Variants in CDH12 observed in about 807,000 individuals in gnomAD.
The protein encoded by CDH12 is cadherin 12.
CDH12 carries 41 observed loss-of-function variants against 74.1 expected under a neutral mutation model. The ratio of observed to expected loss-of-function variants is 0.55; its 90% CI spans 0.43 to 0.72. CDH12 has a LOEUF of 0.72. CDH12 is among the 30% of genes least tolerant of loss of function. The pLI, the probability that CDH12 is intolerant of heterozygous loss-of-function variation, is 0.00. For missense variants in CDH12, 945 were observed against 977.2 expected (o/e 0.97, Z 0.44); for synonymous variants, 399 against 355.0 (o/e 1.12, Z -1.39).
intron 11 of CDH12, among the ~76,000 whole-genome samples, chr5:21,767,428 G>A: frequency 6.6e-6 from 1 of 151,598 alleles, no homozygotes; most frequent in East Asian, 1.9e-4. Context: ...TCTAATATCT[G>A]TTATGAGTAA....
intron 3 of CDH12, among the ~76,000 whole-genome samples, chr5:22,343,402 G>A (rs917816080): frequency 6.7e-6 from 1 of 148,462 alleles, no homozygotes; most frequent in Non-Finnish European, 1.5e-5. Flanking sequence ...AAAAGAAGTT[G>A]CTTTTTTCAT....
chr5:22,693,770 A>G (rs1017698634), intron 1 of CDH12, among the ~76,000 whole-genome samples: 2 of 140,742 alleles, frequency 1.4e-5, no homozygotes, highest in African/African-American at 5.4e-5. Flanking sequence ...ATATATATAT[A>G]TGTATTATCT....
rs189392878 is a variant in CDH12 at position 22,752,747 on chromosome 5, A to T, written c.-523+100311T>A. On this transcript the variant is annotated intron_variant, in intron 1 of 14. Coordinates refer to ENST00000382254, the MANE Select transcript of CDH12 (RefSeq NM_004061.5). The stretch of plus-strand genomic sequence containing the variant: ...CCACTACGCCCGGCTAATTTTTTGT[A>T]TTTTTTTACTAGAGACGGGGTTTCA... 2.8e-3 allele frequency among the ~76,000 whole-genome samples: 404 copies of T among 146,154 alleles called. 1 individual carries two copies. Among genetic ancestry groups the T allele is most frequent in the African/African-American group, 9.8e-3 (382 of 39,154 alleles).
chr5:22,330,105 C>G (rs931455413), intron 3 of CDH12, among the ~76,000 whole-genome samples: 1 of 152,140 alleles, frequency 6.6e-6, no homozygotes, highest in Non-Finnish European at 1.5e-5. Flanking sequence ...CTTCTTTCTG[C>G]TTAAGGAGAG....
chr5:22,071,034 C>T (rs565498506), intron 5 of CDH12, among the ~76,000 whole-genome samples: 2 of 152,106 alleles, frequency 1.3e-5, no homozygotes, highest in African/African-American at 4.8e-5. Context: ...GGCCTTAATA[C>T]CTAGGTGATG....
intron 2 of CDH12, among the ~76,000 whole-genome samples, chr5:22,414,493 A>T (rs1743299521): frequency 6.6e-6 from 1 of 152,026 alleles, no homozygotes; most frequent in Non-Finnish European, 1.5e-5. Context: ...AGACAATAAT[A>T]GAATCTTTCA....
intron 3 of CDH12, among the ~76,000 whole-genome samples, chr5:22,390,574 A>ATG (rs1218407129): frequency 1.6e-5 from 2 of 123,144 alleles, no homozygotes; most frequent in East Asian, 4.4e-4. Flanking sequence ...GGATGGATGG[A>ATG]GAGATAGATA....
At chr5:22,771,763 A>T (rs1021147480) in intron 1 of CDH12, among the ~76,000 whole-genome samples, 1 of 152,078 alleles carries the variant, frequency 6.6e-6, no homozygotes, top group African/African-American at 2.4e-5. Flanking sequence ...CTTATCAGAG[A>T]ATGACCAGTT....
intron 3 of CDH12, among the ~76,000 whole-genome samples, chr5:22,219,463 ACT>A (rs889423702): frequency 1.3e-5 from 2 of 151,498 alleles, no homozygotes; most frequent in African/African-American, 2.4e-5. Flanking sequence ...GCTCTTTTTC[ACT>A]CTCAGCAAAA....
chr5:22,825,263 T>C (rs1310803179), intron 1 of CDH12, among the ~76,000 whole-genome samples: 1 of 151,806 alleles, frequency 6.6e-6, no homozygotes, highest in Non-Finnish European at 1.5e-5. Context: ...TGTACATATA[T>C]ATACTTACAC....
chr5:22,672,493 A>G (rs941666011), intron 1 of CDH12, among the ~76,000 whole-genome samples: 1 of 152,096 alleles, frequency 6.6e-6, no homozygotes, highest in Non-Finnish European at 1.5e-5. Flanking sequence ...ATTTACGATA[A>G]GAGGATGAAT....
rs960347995 is a variant in CDH12, at chr5:21,880,230, C to G, written c.527-25440G>C. 2.0e-5 allele frequency among the ~76,000 whole-genome samples: 3 copies of G among 152,208 alleles called. No homozygotes were observed. The East Asian group carries it at 5.8e-4, about 29-fold the overall frequency. On this transcript the variant is annotated intron_variant, in intron 6 of 14. Coordinates refer to ENST00000382254, the MANE Select transcript of CDH12 (RefSeq NM_004061.5). ...ATTGTACCCTGATGAGTACCTATGG[C>G]TCAAACAAAGTTATATTTCCTTCCA...
At chr5:22,069,712 T>C (rs925998749) in intron 5 of CDH12, among the ~76,000 whole-genome samples, 1 of 152,128 alleles carries the variant, frequency 6.6e-6, no homozygotes, top group Admixed American at 6.5e-5. Flanking sequence ...CTGGGGTGAT[T>C]CATCTTGAGT....
At chr5:21,956,554 C>G (rs902748277) in intron 6 of CDH12, among the ~76,000 whole-genome samples, 3 of 151,866 alleles carry the variant, frequency 2.0e-5, no homozygotes, top group African/African-American at 7.3e-5. Context: ...TTCTGACATT[C>G]TGGAGTATTG....
chr5:22,792,375 C>T (rs2126387446), intron 1 of CDH12, among the ~76,000 whole-genome samples: 1 of 152,276 alleles, frequency 6.6e-6, no homozygotes, highest in East Asian at 1.9e-4. Flanking sequence ...AGGCGTGAGC[C>T]ACCACGCCCG....
intron 6 of CDH12, chr5:21,882,831 G>T: frequency 6.5e-7 from 1 of 1,549,420 alleles, no homozygotes. Context: ...TGTGACTGTT[G>T]CAAAGTCAAT....
chr5:22,821,918 T>C (rs1357022617), intron 1 of CDH12, among the ~76,000 whole-genome samples: 28 of 150,230 alleles, frequency 1.9e-4, no homozygotes, highest in Non-Finnish European at 3.6e-4. Flanking sequence ...GAGCCTGCAT[T>C]GCCAAGTCAA....
chr5:22,105,336 G>A (rs546583027), intron 4 of CDH12, among the ~76,000 whole-genome samples: 23 of 150,292 alleles, frequency 1.5e-4, no homozygotes, highest in East Asian at 4.2e-4. Flanking sequence ...CTCGTGATCC[G>A]CCCACCTCGG....
intron 1 of CDH12, among the ~76,000 whole-genome samples, chr5:22,837,597 G>A (rs1736888491): frequency 6.6e-6 from 1 of 152,116 alleles, no homozygotes; most frequent in South Asian, 2.1e-4. Context: ...ATGTTATTAT[G>A]AAGAGAGTAA....
Sources: allele counts gnomAD v4.1 joint callset (sites outside exome capture counted in the v4.1 genomes callset), GRCh38; gene constraint gnomAD v4.1.1; transcripts MANE v1.5; gene names NCBI Gene and HGNC (gene_info 2026-07-23, HGNC 2026-07-21).